Variants in FGFR2 observed in about 807,000 individuals in gnomAD.
The protein encoded by FGFR2 is BEK fibroblast growth factor receptor.
Under a neutral mutation model 95.9 loss-of-function variants are expected in FGFR2, and 19 were observed. The observed-to-expected ratio is 0.20, with a 90% CI of 0.14 to 0.29. The LOEUF is 0.29. Among genes scored for constraint, FGFR2 ranks in the 10% least tolerant of loss-of-function variants. The pLI is 1.00. For missense variants in FGFR2, 707 were observed against 1,056.9 expected (o/e 0.67, Z 4.59); for synonymous variants, 392 against 393.3 (o/e 1.00, Z 0.04).
intron 2 of FGFR2, among the ~76,000 whole-genome samples, chr10:121,582,460 G>C (rs1262734842): frequency 6.6e-6 from 1 of 152,094 alleles, no homozygotes; most frequent in Non-Finnish European, 1.5e-5. Context: ...ATCGCACGGG[G>C]AGCTGCAAAT....
At position 121,518,955 on chromosome 10, in the gene FGFR2, C is replaced by G; in HGVS notation, c.939+1024G>C. The G allele has an allele frequency of 1.7e-6, 2 of 1,183,496 alleles. No homozygotes were observed. Among genetic ancestry groups the G allele is most frequent in the Admixed American group, 3.7e-5 (2 of 53,868 alleles). 73.3% of individuals were successfully genotyped at this position (1,183,496 alleles called of 1,614,324 possible). On this transcript the variant is annotated intron_variant, in intron 7 of 17. Coordinates refer to ENST00000358487, the MANE Select transcript of FGFR2 (RefSeq NM_000141.5). The surrounding 1 kb of genome is among the most constrained non-coding windows in gnomAD (Gnocchi z 4.0). The stretch of plus-strand genomic sequence containing the variant: ...ACGTCTAAACAGCGGCATTAAAGGG[C>G]TGCGGATTTTAAAGAACAAAATCAG...
intron 2 of FGFR2, among the ~76,000 whole-genome samples, chr10:121,572,345 G>T (rs983164238): frequency 6.6e-6 from 1 of 152,022 alleles, no homozygotes; most frequent in African/African-American, 2.4e-5. Context: ...AGTAGCCCAG[G>T]CACAGTGGCT....
At chr10:121,540,128 C>T (rs1406924364) in intron 5 of FGFR2, among the ~76,000 whole-genome samples, 1 of 152,188 alleles carries the variant, frequency 6.6e-6, no homozygotes, top group Non-Finnish European at 1.5e-5. Flanking sequence ...TAACAGAGTA[C>T]AAGCAGTGAG....
intron 4 of FGFR2, among the ~76,000 whole-genome samples, chr10:121,562,670 A>G (rs748449664): frequency 6.6e-6 from 1 of 152,220 alleles, no homozygotes; most frequent in Admixed American, 6.5e-5. Flanking sequence ...CAAATGACCC[A>G]TCAAGCCATG....
chr10:121,586,201 C>T (rs762339529), intron 2 of FGFR2, among the ~76,000 whole-genome samples: 15 of 152,226 alleles, frequency 9.9e-5, no homozygotes, highest in Non-Finnish European at 1.8e-4. Context: ...AAAATAATCA[C>T]GATAATTGAT....
At chr10:121,561,065 TC>T in intron 4 of FGFR2, among the ~76,000 whole-genome samples, 1 of 152,268 alleles carries the variant, frequency 6.6e-6, no homozygotes, top group South Asian at 2.1e-4. Flanking sequence ...CAGGGACAAA[TC>T]TAAGTCTTCA....
chr10:121,526,229 A>G (rs1843978197), intron 6 of FGFR2: 1 of 398,528 alleles, frequency 2.5e-6, no homozygotes, highest in African/African-American at 2.1e-5. Flanking sequence ...GATTTGGAGG[A>G]CAAGTGAAAA....
At chr10:121,527,337 ACT>A (rs1348076467) in intron 6 of FGFR2, among the ~76,000 whole-genome samples, 2 of 152,076 alleles carry the variant, frequency 1.3e-5, no homozygotes, top group Non-Finnish European at 2.9e-5. Flanking sequence ...TGTTTAAGAC[ACT>A]CTGAGCTCTC....
In FGFR2 at chr10:121,593,689, A is replaced by T. The variant is rs2135481329; in HGVS notation, c.109+20T>A. On this transcript the variant is annotated intron_variant, in intron 2 of 17. Transcript: ENST00000358487. The stretch of plus-strand genomic sequence containing the variant: ...GACAAATCCCAAAACAAACCTGAAA[A>T]GTGAAATTAAATGACTTACCTTCTG... 6.2e-7 allele frequency: 1 copy of T among 1,608,046 alleles called. No homozygotes were observed. The highest frequency in any genetic ancestry group is 2.2e-5 in the East Asian group (1 of 44,836).
chr10:121,595,464 G>C (rs912844714), intron 1 of FGFR2, among the ~76,000 whole-genome samples: 1 of 151,932 alleles, frequency 6.6e-6, no homozygotes, highest in Non-Finnish European at 1.5e-5. Flanking sequence ...GTGCGTGCAT[G>C]GTGTGTGTGT....
chr10:121,519,209 G>A (rs1016422964), intron 7 of FGFR2, among the ~76,000 whole-genome samples: 7 of 152,166 alleles, frequency 4.6e-5, no homozygotes, highest in Non-Finnish European at 1.0e-4. Flanking sequence ...TTCTCCATGA[G>A]CAACTAGACA....
rs1287624070 is a variant in FGFR2, at chr10:121,593,796, T to G, written c.22A>C (p.Ile8Leu). 6.2e-7 allele frequency: 1 copy of G among 1,614,194 alleles called. No individual in the cohort carries two copies. Among genetic ancestry groups the G allele is most frequent in the South Asian group, 1.1e-5 (1 of 91,086 alleles). The change falls in exon 2 of 18, where the codon ATC (isoleucine) becomes CTC (leucine). Residue 8 changes from isoleucine (I) to leucine (L), a missense_variant. This residue lies in a region of FGFR2 where 178 missense variants were observed against 194.1 expected (regional missense o/e 0.92). Coordinates refer to ENST00000358487, the MANE Select transcript of FGFR2 (RefSeq NM_000141.5). ...GCCATGGTGACCACGACCAGGCAGA[T>G]GAAACGACCCCAGCTGACCATGGTT... is the stretch of plus-strand genomic sequence containing the variant. MVSWGRF[I>L]CLVVVTMATL... is the part of the protein sequence containing the mutation.
chr10:121,551,365 C>T lies in FGFR2; in HGVS notation c.549G>A (p.Gly183=), dbSNP rs753750519. 2.5e-6 allele frequency: 4 copies of T among 1,614,082 alleles called. No homozygotes were observed. The highest frequency in any genetic ancestry group is 3.4e-6 in the Non-Finnish European group (4 of 1,179,982). ...NTVKFRCPAG[G]NPMPTMRWLK... ...GCCACCGCATGGTTGGCATTGGGTT[C>T]CCCCCGGCTGGGCAGCGAAACTTGA... Residue 183 remains glycine (G), a synonymous_variant, in exon 5 of 18, where the codon GGG becomes GGA. Transcript: ENST00000358487.
chr10:121,482,461 C>A (rs1394348100), intron 17 of FGFR2, among the ~76,000 whole-genome samples: 1 of 152,190 alleles, frequency 6.6e-6, no homozygotes. Context: ...AAAACTATTT[C>A]CTAAATCAGA....
intron 13 of FGFR2, among the ~76,000 whole-genome samples, chr10:121,490,316 C>G (rs1018736255): frequency 5.9e-5 from 9 of 152,046 alleles, no homozygotes; most frequent in African/African-American, 1.4e-4. Flanking sequence ...AGGTGCCCAC[C>G]ACCACATCAG....
intron 2 of FGFR2, among the ~76,000 whole-genome samples, chr10:121,577,134 C>A (rs1590061735): frequency 5.1e-4 from 2 of 3,946 alleles, no homozygotes; most frequent in Non-Finnish European, 3.7e-4. Context: ...GACTCCATCT[C>A]AAAAAAAAAA....
Position 121,485,020 on chromosome 10 carries a change from C to T in FGFR2, c.2195+375G>A, listed in dbSNP as rs575585251. Among the ~76,000 whole-genome samples the T allele has an allele frequency of 3.3e-5, 5 of 152,238 alleles. No homozygotes were observed. Among genetic ancestry groups the T allele is most frequent in the South Asian group, 2.1e-4 (1 of 4,818 alleles). On this transcript the variant is annotated intron_variant, in intron 16 of 17. Transcript: ENST00000358487. The surrounding 1 kb of genome is among the most constrained non-coding windows in gnomAD (Gnocchi z 4.2). ...AATCCTACACCCTGCAGGGCGGCCC[C>T]GCGGCTTTCTAGCTTGTTTCCTGAC...
chr10:121,569,243 C>CA (rs1301506396), intron 2 of FGFR2, among the ~76,000 whole-genome samples: 3 of 139,126 alleles, frequency 2.2e-5, no homozygotes, highest in Non-Finnish European at 4.5e-5. Flanking sequence ...TTTTTTGAGA[C>CA]AGAGTCTTGC....
In FGFR2 at chr10:121,479,802, C is replaced by A. The variant is rs2133675968; in HGVS notation, c.*55G>T. Reference sequence around the variant, plus strand: ...CTCTGGGAGGCATGGTCTCCCTGCTCAGTGTAGCTAGGTTCCCAGTGCTGT... The same window carrying A: ...CTCTGGGAGGCATGGTCTCCCTGCTAAGTGTAGCTAGGTTCCCAGTGCTGT... On this transcript the variant is annotated 3_prime_UTR_variant, in exon 18 of 18. Coordinates refer to ENST00000358487, the MANE Select transcript of FGFR2 (RefSeq NM_000141.5). The A allele has an allele frequency of 6.2e-7, 1 of 1,613,886 alleles. No individual in the cohort carries two copies. Among genetic ancestry groups the A allele is most frequent in the South Asian group, 1.1e-5 (1 of 91,016 alleles).
Sources: gnomAD v4.1 joint callset for allele counts (sites outside exome capture counted in the v4.1 genomes callset) on GRCh38, gnomAD v4.1.1 for gene constraint, gnomAD v4.1.1 regional missense constraint, Gnocchi (gnomAD v3.1) non-coding constraint, MANE v1.5 for transcripts, NCBI Gene and HGNC (gene_info 2026-07-23, HGNC 2026-07-21) for gene names.